TNFSF8: variants seen among roughly 807,000 people sequenced by gnomAD.
TNFSF8 encodes the protein TNF superfamily member 8, also known as tumor necrosis factor ligand superfamily member 8.
In TNFSF8, 4 loss-of-function variants were observed where a neutral mutation model predicts 22.0. That is an observed-to-expected ratio of 0.18 (90% CI 0.09 to 0.42). The LOEUF is 0.42. Among genes scored for constraint, TNFSF8 ranks in the 10% least tolerant of loss-of-function variants. The pLI is 1.00. For missense variants in TNFSF8, 233 were observed against 281.8 expected, an observed-to-expected ratio of 0.83 and a Z score of 1.24; for synonymous variants, 106 against 112.5, an observed-to-expected ratio of 0.94 and a Z score of 0.37.
At chr9:114,919,020 GT>G (rs11372040) in intron 1 of TNFSF8, among the ~76,000 whole-genome samples, 102 of 144,150 alleles carry the variant, frequency 7.1e-4, no homozygotes, top group South Asian at 2.0e-3. Context: ...AAGTAGATGT[GT>G]TTTTTTTTTT....
chr9:114,894,501 G>C (rs139420281), intron 4 of TNFSF8, among the ~76,000 whole-genome samples: 1 of 152,290 alleles, frequency 6.6e-6, no homozygotes, highest in East Asian at 1.9e-4. Context: ...GTGTAGTGTG[G>C]TTAGAAATAT....
At chr9:114,900,244 C>T (rs575248364), downstream of TNFSF8, among the ~76,000 whole-genome samples, 2 of 152,172 alleles carry the variant, frequency 1.3e-5, no homozygotes, top group East Asian at 1.9e-4. Flanking sequence ...AGGGAGCCTC[C>T]CACAATTCCA....
chr9:114,914,180 G>A (rs1411339112), intron 2 of TNFSF8, among the ~76,000 whole-genome samples: 2 of 152,182 alleles, frequency 1.3e-5, no homozygotes, highest in East Asian at 3.9e-4. Flanking sequence ...TCAGAGGGCT[G>A]AACCCCAGGG....
Position 114,902,534 on chromosome 9 carries a change from G to A in TNFSF8, c.*1397C>T, listed in dbSNP as rs1354984412. On this transcript the variant is annotated 3_prime_UTR_variant, in exon 4 of 4. Transcript: ENST00000223795. ...CAGATGGTCTCTTAGATTCTGGATG[G>A]TCAGTGTGGTAGTTCTTTCCATTAC... 1 of 985,320 alleles carries A rather than the reference G, an allele frequency of 1.0e-6. No individual in the cohort carries two copies. Among genetic ancestry groups the A allele is most frequent in the Admixed American group, 6.1e-5 (1 of 16,270 alleles). 61.0% of individuals were successfully genotyped at this position (985,320 alleles called of 1,614,324 possible).
rs1168231919 is a variant in TNFSF8, at chr9:114,905,805, G to C, written c.310+23C>G. On this transcript the variant is annotated intron_variant, in intron 3 of 3. Coordinates refer to ENST00000223795, the MANE Select transcript of TNFSF8 (RefSeq NM_001244.4). ...ACAGAAGCGGTTTTCATATGTTTAG[G>C]TTTCCTGGGCTTGGTTACTGACCTT... The C allele has an allele frequency of 1.9e-6, 3 of 1,592,750 alleles. No homozygotes were observed. In the Admixed American group the frequency reaches 5.0e-5, roughly 27 times the overall value.
intron 1 of TNFSF8, among the ~76,000 whole-genome samples, chr9:114,924,163 A>C (rs1828027876): frequency 1.3e-5 from 2 of 152,238 alleles, no homozygotes; most frequent in Admixed American, 1.3e-4. Flanking sequence ...TTTAATGTGC[A>C]TACAGATCAC....
At chr9:114,920,229 C>T (rs1208883258) in intron 1 of TNFSF8, among the ~76,000 whole-genome samples, 1 of 152,188 alleles carries the variant, frequency 6.6e-6, no homozygotes, top group Non-Finnish European at 1.5e-5. Flanking sequence ...TGCAAATGCA[C>T]TAAGAAAAAT....
downstream of TNFSF8, among the ~76,000 whole-genome samples, chr9:114,900,587 C>T (rs950257248): frequency 1.3e-5 from 2 of 152,186 alleles, 1 homozygote; most frequent in Admixed American, 1.3e-4. Context: ...CTCTGCTCTT[C>T]CCTGCTCTCG....
At chr9:114,929,977 T>TATAG (rs146785310) in intron 1 of TNFSF8, 132 bp downstream of exon 1, 16,879 of 323,074 alleles carry the variant, frequency 0.052, 410 homozygotes, top group Admixed American at 0.064. Flanking sequence ...TATATATATA[T>TATAG]AGAGAGAGAG....
chr9:114,915,424 T>A (rs539082881), intron 2 of TNFSF8, among the ~76,000 whole-genome samples: 22 of 152,300 alleles, frequency 1.4e-4, no homozygotes, highest in Non-Finnish European at 5.9e-5. Context: ...AGCCCAGGAA[T>A]ATTTTTTCTA....
rs763186617 is a variant in TNFSF8, at chr9:114,903,900, C to T, written c.*31G>A. 23 of 1,576,034 alleles carry T rather than the reference C, an allele frequency of 1.5e-5. No homozygotes were observed. The highest frequency in any genetic ancestry group is 9.1e-5 in the Admixed American group (5 of 55,110). On this transcript the variant is annotated 3_prime_UTR_variant, in exon 4 of 4. Transcript: ENST00000223795. ...GATGAAATACTGTATGGTAGAGAGG[C>T]GCTTTCTTCCTGAAGGCCAAGAGAA... is the stretch of plus-strand genomic sequence containing the variant.
chr9:114,930,036 T>A, intron 1 of TNFSF8, 73 bp downstream of exon 1: 1 of 1,253,252 alleles, frequency 8.0e-7, no homozygotes, highest in Non-Finnish European at 1.1e-6. Flanking sequence ...CAAACGAATA[T>A]CATTTGTTCC....
chr9:114,911,623 G>A (rs960928903), intron 2 of TNFSF8, among the ~76,000 whole-genome samples: 10 of 152,326 alleles, frequency 6.6e-5, no homozygotes, highest in African/African-American at 2.2e-4. Flanking sequence ...TTTGGAGAAT[G>A]CCCATATGAA....
downstream of TNFSF8, chr9:114,901,014 C>G: frequency 1.0e-6 from 1 of 976,572 alleles, no homozygotes; most frequent in Non-Finnish European, 1.2e-6. Flanking sequence ...TCTTCCTCTA[C>G]AAGTTCTGCA....
chr9:114,903,417 G>A lies in TNFSF8; in HGVS notation c.*514C>T, dbSNP rs1298022925. On this transcript the variant is annotated 3_prime_UTR_variant, in exon 4 of 4. Coordinates refer to ENST00000223795, the MANE Select transcript of TNFSF8 (RefSeq NM_001244.4). ...GGTTCAGTCACAAGTGTATCTGCCA[G>A]TATAGGGAAGTTTCCTGTGTGAGAG... 1 of 152,792 alleles carries A rather than the reference G, an allele frequency of 6.5e-6. No homozygotes were observed. The highest frequency in any genetic ancestry group is 1.5e-5 in the Non-Finnish European group (1 of 68,712). The allele number at this position is 152,792 out of a possible 1,614,324, so 9.5% of individuals were successfully genotyped here.
At chr9:114,912,345 G>A (rs1312130809) in intron 2 of TNFSF8, among the ~76,000 whole-genome samples, 6 of 152,188 alleles carry the variant, frequency 3.9e-5, no homozygotes, top group African/African-American at 1.4e-4. Context: ...CACATGTTGT[G>A]TCTAGATAGT....
downstream of TNFSF8, among the ~76,000 whole-genome samples, chr9:114,897,514 C>T (rs909284837): frequency 2.6e-5 from 4 of 151,962 alleles, no homozygotes; most frequent in African/African-American, 7.3e-5. Context: ...AAGTGTCATG[C>T]AATTAACGAT....
downstream of TNFSF8, among the ~76,000 whole-genome samples, chr9:114,897,582 C>T (rs1827669854): frequency 6.6e-6 from 1 of 152,162 alleles, no homozygotes; most frequent in Non-Finnish European, 1.5e-5. Flanking sequence ...GTCAGGAAGA[C>T]TTCTCTGAGG....
Position 114,904,126 on chromosome 9 carries a change from T to C in TNFSF8, c.510A>G (p.Lys170=). 1 of 1,614,102 alleles carries C rather than the reference T, an allele frequency of 6.2e-7. No individual in the cohort carries two copies. Among genetic ancestry groups the C allele is most frequent in the Non-Finnish European group, 8.5e-7 (1 of 1,179,982 alleles). The part of the protein sequence containing the change: ...LELLINKHIK[K]QALVTVCESG... Reference sequence around the variant, plus strand: ...ACTCACACACTGTCACCAGGGCCTGTTTTTTGATATGCTTGTTGATGAGAA... The same window carrying C: ...ACTCACACACTGTCACCAGGGCCTGCTTTTTGATATGCTTGTTGATGAGAA... The change falls in exon 4 of 4, where the codon AAA becomes AAG. Residue 170 remains lysine (K), a synonymous_variant. Coordinates refer to ENST00000223795, the MANE Select transcript of TNFSF8 (RefSeq NM_001244.4).
Sources: allele counts gnomAD v4.1 joint callset (sites outside exome capture counted in the v4.1 genomes callset), GRCh38; gene constraint gnomAD v4.1.1; transcripts MANE v1.5; gene names NCBI Gene and HGNC (gene_info 2026-07-23, HGNC 2026-07-21).